The following TRPM3 variants were observed in gnomAD, a reference collection of about 807,000 sequenced individuals.
TRPM3 encodes the protein long transient receptor potential channel 3.
TRPM3 carries 77 observed loss-of-function variants against 181.2 expected under a neutral mutation model. The observed-to-expected ratio is 0.42, with a 90% confidence interval of 0.35 to 0.51. The LOEUF is 0.51. Ranked by LOEUF, TRPM3 falls within the 20% of genes least tolerant of loss-of-function variation. The pLI is 0.01. For missense variants in TRPM3, 1,759 were observed against 2,196.7 expected, an observed-to-expected ratio of 0.80 and a Z score of 3.98; for synonymous variants, 745 against 796.4, an observed-to-expected ratio of 0.94 and a Z score of 1.09.
At chr9:70,799,069 A>ATT (rs1265832936) in intron 6 of TRPM3, among the ~76,000 whole-genome samples, 1 of 152,240 alleles carries the variant, frequency 6.6e-6, no homozygotes, top group African/African-American at 2.4e-5. Flanking sequence ...CTAAAGCGAC[A>ATT]AAGTATCTCG....
At chr9:70,856,244 C>G (rs2095384025) in intron 3 of TRPM3, among the ~76,000 whole-genome samples, 1 of 152,148 alleles carries the variant, frequency 6.6e-6, no homozygotes, top group Non-Finnish European at 1.5e-5. Context: ...CTGATAAATT[C>G]TAGTTTTATT....
At chr9:71,312,880 T>C (rs2088107830) in intron 1 of TRPM3, among the ~76,000 whole-genome samples, 1 of 152,038 alleles carries the variant, frequency 6.6e-6, no homozygotes, top group Non-Finnish European at 1.5e-5. Context: ...TCAGTGGTGG[T>C]CAGGGATTAG....
intron 1 of TRPM3, among the ~76,000 whole-genome samples, chr9:71,354,218 A>G (rs1249514626): frequency 6.6e-6 from 1 of 152,216 alleles, no homozygotes; most frequent in East Asian, 1.9e-4. Flanking sequence ...AGGGAGGTAC[A>G]CAAGCAAGTT....
At chr9:70,578,778 T>C (rs2054753903) in intron 22 of TRPM3, among the ~76,000 whole-genome samples, 1 of 152,252 alleles carries the variant, frequency 6.6e-6, no homozygotes, top group Admixed American at 6.5e-5. Context: ...AATCAGGAGT[T>C]GAATTTTGGG....
intron 1 of TRPM3, among the ~76,000 whole-genome samples, chr9:71,110,289 C>T (rs1253141326): frequency 6.6e-6 from 1 of 152,184 alleles, no homozygotes; most frequent in African/African-American, 2.4e-5. Context: ...TACCACCTGC[C>T]TCTCTTGTGT....
At chr9:70,567,343 T>C (rs2050875883) in intron 22 of TRPM3, among the ~76,000 whole-genome samples, 1 of 152,276 alleles carries the variant, frequency 6.6e-6, no homozygotes, top group Non-Finnish European at 1.5e-5. Context: ...CAAGGTGGCT[T>C]ACAGATAATC....
intron 1 of TRPM3, among the ~76,000 whole-genome samples, chr9:71,288,737 T>C (rs1437111647): frequency 6.6e-6 from 1 of 152,096 alleles, no homozygotes; most frequent in African/African-American, 2.4e-5. Context: ...CAATCCTGAG[T>C]TGACTCAGAG....
chr9:70,552,108 G>A (rs945202216), intron 24 of TRPM3, among the ~76,000 whole-genome samples: 1 of 152,176 alleles, frequency 6.6e-6, no homozygotes, highest in African/African-American at 2.4e-5. Flanking sequence ...GACACACTTT[G>A]AGAAACCATA....
chr9:71,283,901 G>T (rs2085063267), intron 1 of TRPM3, among the ~76,000 whole-genome samples: 1 of 152,158 alleles, frequency 6.6e-6, no homozygotes, highest in South Asian at 2.1e-4. Flanking sequence ...TTTCATAATT[G>T]TGTCTATGTT....
At chr9:70,644,668 C>T (rs1268467257) in intron 9 of TRPM3, among the ~76,000 whole-genome samples, 1 of 152,162 alleles carries the variant, frequency 6.6e-6, no homozygotes, top group East Asian at 1.9e-4. Flanking sequence ...TGCCCTCTCT[C>T]ACCACTCCTA....
intron 22 of TRPM3, among the ~76,000 whole-genome samples, chr9:70,587,390 T>C (rs1389196737): frequency 2.0e-5 from 3 of 152,136 alleles, no homozygotes; most frequent in East Asian, 1.9e-4. Flanking sequence ...CAGCAGCACA[T>C]GGATGCCCTG....
rs1397700354 is a variant in TRPM3 at position 70,863,043 on chromosome 9, C to T, written c.327G>A (p.Glu109=). The part of the protein sequence containing the change: ...LTPSISVLQN[E]KNESRLSRND... The stretch of plus-strand genomic sequence containing the variant: ...TTCGGGAGAGGCGACTTTCATTTTT[C>T]TCATTCTGAAGCACGGAGATACTGG... Residue 109 remains glutamate, a synonymous_variant, in exon 3 of 26, where the codon GAG becomes GAA. Coordinates refer to ENST00000677713, the MANE Select transcript of TRPM3 (RefSeq NM_001366145.2). 1 of 1,613,514 alleles carries T rather than the reference C, an allele frequency of 6.2e-7. No individual in the cohort carries two copies. Among genetic ancestry groups the T allele is most frequent in the Non-Finnish European group, 8.5e-7 (1 of 1,179,728 alleles).
At chr9:70,690,405 T>G (rs1300143715) in intron 8 of TRPM3, among the ~76,000 whole-genome samples, 1 of 152,122 alleles carries the variant, frequency 6.6e-6, no homozygotes, top group Non-Finnish European at 1.5e-5. Context: ...TAAACTAATC[T>G]CTGAAATATT....
chr9:70,590,865 GTGTATT>G lies in TRPM3; in HGVS notation c.3223+160_3223+165del, dbSNP rs1447005258. ...ACCCAAGAACTACTTTGCTAAAATT[GTGTATT>G]CACCTTCTGTAATTTTTGTTTCCTC... On this transcript the variant is annotated intron_variant, in intron 22 of 25. Coordinates refer to ENST00000677713, the MANE Select transcript of TRPM3 (RefSeq NM_001366145.2). 4 of 794,698 alleles carry G rather than the reference GTGTATT, an allele frequency of 5.0e-6. No individual in the cohort carries two copies. The African/African-American group carries it at 7.0e-5, about 14-fold the overall frequency. The allele number at this position is 794,698 out of a possible 1,614,324, so 49.2% of individuals were successfully genotyped here.
At chr9:70,774,767 C>G (rs1273375048) in intron 7 of TRPM3, 1 of 152,208 alleles carries the variant, frequency 6.6e-6, no homozygotes, top group Non-Finnish European at 1.5e-5. Flanking sequence ...TGAATGGACA[C>G]TTGCTTTGCA....
chr9:71,010,926 CACACAT>C (rs1330348050), intron 1 of TRPM3, among the ~76,000 whole-genome samples: 43 of 92,486 alleles, frequency 4.6e-4, no homozygotes, highest in African/African-American at 7.5e-4. Context: ...CACACACACA[CACACAT>C]ACACACACAC....
intron 9 of TRPM3, among the ~76,000 whole-genome samples, chr9:70,658,317 C>T (rs929177924): frequency 1.2e-4 from 18 of 152,046 alleles, no homozygotes; most frequent in African/African-American, 3.6e-4. Flanking sequence ...TGATATTTGA[C>T]AAACTTTCCA....
At chr9:71,038,535 T>C (rs2058468629) in intron 1 of TRPM3, among the ~76,000 whole-genome samples, 1 of 152,188 alleles carries the variant, frequency 6.6e-6, no homozygotes. Flanking sequence ...TATCTTTCCC[T>C]ATTTCTCTTC....
At chr9:71,240,988 A>T (rs17616057) in intron 1 of TRPM3, among the ~76,000 whole-genome samples, 4,371 of 152,302 alleles carry the variant, frequency 0.029, 95 homozygotes, top group Non-Finnish European at 0.041. Flanking sequence ...TCTTACGAAC[A>T]TTATGTTCCT....
Sources: gnomAD v4.1 joint callset for allele counts (sites outside exome capture counted in the v4.1 genomes callset) on GRCh38, gnomAD v4.1.1 for gene constraint, MANE v1.5 for transcripts, NCBI Gene and HGNC (gene_info 2026-07-23, HGNC 2026-07-21) for gene names.